TEX14: variants seen among roughly 807,000 people sequenced by gnomAD.
The protein encoded by TEX14 is testis expressed 14, intercellular bridge forming factor.
Under a neutral mutation model 178.6 loss-of-function variants are expected in TEX14, and 168 were observed. That is an observed-to-expected ratio of 0.94 (90% confidence interval 0.83 to 1.07). The LOEUF (loss-of-function observed/expected upper bound fraction) is 1.07, where lower values mean the gene tolerates loss of function less well. TEX14 is among the 50% of genes least tolerant of loss of function. TEX14 has a pLI of 0.00. For missense variants in TEX14, 1,730 were observed against 1,753.6 expected, an observed-to-expected ratio of 0.99 and a Z score of 0.24; for synonymous variants, 626 against 634.1, an observed-to-expected ratio of 0.99 and a Z score of 0.19.
intron 14 of TEX14, among the ~76,000 whole-genome samples, chr17:58,597,353 C>T (rs1210513256): frequency 2.0e-5 from 3 of 151,916 alleles, no homozygotes; most frequent in African/African-American, 4.8e-5. Flanking sequence ...GAGCAGAGAT[C>T]GTGCCACTGT....
intron 14 of TEX14, among the ~76,000 whole-genome samples, chr17:58,594,939 G>A (rs547616380): frequency 6.6e-6 from 1 of 152,210 alleles, no homozygotes; most frequent in South Asian, 2.1e-4. Context: ...TGAGATGGGA[G>A]CAAGATGTGT....
intron 1 of TEX14, among the ~76,000 whole-genome samples, chr17:58,682,900 G>A (rs2047523950): frequency 6.6e-6 from 1 of 150,534 alleles, no homozygotes. Context: ...AATATCCTTT[G>A]AGAAGAGCCT....
intron 1 of TEX14, among the ~76,000 whole-genome samples, chr17:58,673,541 T>C (rs999552179): frequency 2.6e-5 from 4 of 151,456 alleles, no homozygotes; most frequent in Non-Finnish European, 4.4e-5. Flanking sequence ...TAACTTATTT[T>C]TCTCTCTCCT....
Position 58,622,931 on chromosome 17 carries a change from T to C in TEX14, c.333A>G (p.Ala111=). ...CATCGTGGAGTCGCAGGTCACCTCC[T>C]GCATCCAGCAGTTTGCTAAGGATCC... is the stretch of plus-strand genomic sequence containing the variant. ...NQWILSKLLD[A]GGDLRLHDER... Residue 111 remains alanine (A), a synonymous_variant, in exon 4 of 32, where the codon GCA becomes GCG. Transcript: ENST00000349033. 4 of 1,613,218 alleles carry C rather than the reference T, an allele frequency of 2.5e-6. No homozygotes were observed. Among genetic ancestry groups the C allele is most frequent in the Non-Finnish European group, 3.4e-6 (4 of 1,179,228 alleles).
At chr17:58,602,157 A>G (rs2045468481) in intron 12 of TEX14, among the ~76,000 whole-genome samples, 1 of 152,138 alleles carries the variant, frequency 6.6e-6, no homozygotes, top group Non-Finnish European at 1.5e-5. Context: ...AATCTCCACT[A>G]AGTGCCTACA....
intron 2 of TEX14, among the ~76,000 whole-genome samples, chr17:58,639,140 C>T (rs1598409006): frequency 6.6e-6 from 1 of 151,758 alleles, no homozygotes; most frequent in South Asian, 2.1e-4. Context: ...GCTGGGATTA[C>T]AGGCGTGAGC....
chr17:58,601,719 G>A, intron 13 of TEX14, 87 bp downstream of exon 13: 1 of 1,255,186 alleles, frequency 8.0e-7, no homozygotes, highest in Non-Finnish European at 1.1e-6. Flanking sequence ...TACATCTACA[G>A]TTTAGAGGAG....
chr17:58,664,293 A>G (rs1223717367), intron 1 of TEX14, among the ~76,000 whole-genome samples: 1 of 152,158 alleles, frequency 6.6e-6, no homozygotes, highest in Non-Finnish European at 1.5e-5. Flanking sequence ...TGAGGCCTCT[A>G]TGATTATTTG....
intron 3 of TEX14, among the ~76,000 whole-genome samples, chr17:58,625,655 A>T (rs1188623037): frequency 6.8e-6 from 1 of 147,324 alleles, no homozygotes; most frequent in Non-Finnish European, 1.5e-5. Flanking sequence ...CTGCCTAGCC[A>T]ACTCAGAAGT....
In TEX14 at chr17:58,557,040, C is replaced by T. The variant is rs765591283; in HGVS notation, c.4327G>A (p.Val1443Met). ...TCTGACAAGTCACTCTGATCCAGCA[C>T]GATTATCCTATGCACATGTTTTTTA... ...LGWSESSRIIVLDQSDLSD is the reference protein window; with the variant it reads ...LGWSESSRIIMLDQSDLSD The change falls in exon 32 of 32, where the codon GTG becomes ATG. Residue 1443 changes from valine (V) to methionine (M), a missense_variant. This residue lies in a region of TEX14 where 941 missense variants were observed against 1,072.4 expected (regional missense o/e 0.88). Coordinates refer to ENST00000349033, the MANE Select transcript of TEX14 (RefSeq NM_031272.5). 13 of 1,613,674 alleles carry T rather than the reference C, an allele frequency of 8.1e-6. No individual in the cohort carries two copies. Among genetic ancestry groups the T allele is most frequent in the African/African-American group, 5.3e-5 (4 of 74,890 alleles).
At chr17:58,629,456 GAAAAAAAAAAAA>G (rs969535540) in intron 3 of TEX14, among the ~76,000 whole-genome samples, 1 of 79,790 alleles carries the variant, frequency 1.3e-5, no homozygotes, top group South Asian at 4.0e-4. Context: ...CATGTGTCAG[GAAAAAAAAAAAA>G]AAAAAAAAAG....
chr17:58,568,619 C>T (rs2044454255), intron 26 of TEX14, among the ~76,000 whole-genome samples: 1 of 152,206 alleles, frequency 6.6e-6, no homozygotes, highest in African/African-American at 2.4e-5. Context: ...GTAACATTTA[C>T]TTTCAGCATC....
chr17:58,585,315 A>C (rs1488100099), intron 18 of TEX14, among the ~76,000 whole-genome samples: 1 of 152,232 alleles, frequency 6.6e-6, no homozygotes, highest in Non-Finnish European at 1.5e-5. Context: ...TGGGAAATGC[A>C]ATGAGATATA....
At chr17:58,666,550 G>A (rs2611770) in intron 1 of TEX14, 2 of 145,624 alleles carry the variant, frequency 1.4e-5, no homozygotes, top group South Asian at 2.3e-4. Context: ...CAGCAAGTGC[G>A]AACGCAATCT....
intron 30 of TEX14, among the ~76,000 whole-genome samples, chr17:58,558,523 G>A (rs745724947): frequency 7.2e-5 from 11 of 152,130 alleles, no homozygotes; most frequent in Non-Finnish European, 1.3e-4. Flanking sequence ...CAAACAGGAA[G>A]CCCAGGAGAT....
chr17:58,691,041 G>A (rs887507002), intron 1 of TEX14, among the ~76,000 whole-genome samples: 1 of 152,022 alleles, frequency 6.6e-6, no homozygotes, highest in African/African-American at 2.4e-5. Context: ...TTTTGGTACA[G>A]ACAGTGTTTC....
At chr17:58,665,802 T>C (rs1245820205) in intron 1 of TEX14, among the ~76,000 whole-genome samples, 1 of 151,768 alleles carries the variant, frequency 6.6e-6, no homozygotes, top group Non-Finnish European at 1.5e-5. Context: ...TCCCAGCACT[T>C]TGGGAGGCCG....
intron 11 of TEX14, among the ~76,000 whole-genome samples, chr17:58,604,470 C>CA (rs907304775): frequency 4.7e-5 from 7 of 148,484 alleles, no homozygotes; most frequent in East Asian, 2.0e-4. Context: ...GACTCTGTCT[C>CA]AAAAAAAATA....
At chr17:58,678,470 A>T (rs2047431505) in intron 1 of TEX14, among the ~76,000 whole-genome samples, 1 of 152,182 alleles carries the variant, frequency 6.6e-6, no homozygotes, top group African/African-American at 2.4e-5. Context: ...CGTGGCACAT[A>T]TACACCACGG....
Sources: gnomAD v4.1 joint callset for allele counts (sites outside exome capture counted in the v4.1 genomes callset) on GRCh38, gnomAD v4.1.1 for gene constraint, gnomAD v4.1.1 regional missense constraint, MANE v1.5 for transcripts, NCBI Gene and HGNC (gene_info 2026-07-23, HGNC 2026-07-21) for gene names.